CCPG1: variants seen among roughly 807,000 people sequenced by gnomAD.
The protein encoded by CCPG1 is cell cycle progression protein 1.
CCPG1 carries 46 observed loss-of-function variants against 81.3 expected under a neutral mutation model. That is an observed-to-expected ratio of 0.57 (90% CI 0.45 to 0.72). CCPG1 has a LOEUF of 0.72. Among genes scored for constraint, CCPG1 ranks in the 30% least tolerant of loss-of-function variants. The pLI is 0.00. For missense variants in CCPG1, 902 were observed against 937.6 expected (o/e 0.96, Z 0.50); for synonymous variants, 330 against 305.2 (o/e 1.08, Z -0.85).
intron 1 of CCPG1, among the ~76,000 whole-genome samples, chr15:55,392,210 A>ATT (rs35816626): frequency 9.7e-4 from 119 of 122,976 alleles, no homozygotes; most frequent in East Asian, 2.6e-3. Context: ...ATCAGATTTG[A>ATT]TTTTTTTTTT....
intron 1 of CCPG1, among the ~76,000 whole-genome samples, chr15:55,392,520 G>T (rs1017335560): frequency 2.0e-5 from 3 of 148,738 alleles, no homozygotes; most frequent in Non-Finnish European, 4.4e-5. Flanking sequence ...ACCTGGCCAT[G>T]ATTTTTTTTT....
intron 6 of CCPG1, among the ~76,000 whole-genome samples, chr15:55,368,193 C>A (rs964361683): frequency 1.3e-5 from 2 of 152,082 alleles, no homozygotes; most frequent in Non-Finnish European, 2.9e-5. Flanking sequence ...TGGAACCCAT[C>A]CCTCATGTAT....
chr15:55,380,100 TAAAAA>T (rs374941554), intron 3 of CCPG1, among the ~76,000 whole-genome samples: 1 of 130,804 alleles, frequency 7.6e-6, no homozygotes, highest in Admixed American at 7.9e-5. Flanking sequence ...AACTCTGTCT[TAAAAA>T]AAAAAAAAAA....
chr15:55,365,432 GT>G (rs372770816), intron 6 of CCPG1, 123 bp from the exon 7 acceptor site: 576 of 313,088 alleles, frequency 1.8e-3, no homozygotes, highest in East Asian at 2.2e-3. Flanking sequence ...TTTTTTTTTT[GT>G]TTTTTTTTTG....
intron 8 of CCPG1, chr15:55,358,828 AATCAGT>A: frequency 2.0e-6 from 2 of 977,482 alleles, no homozygotes; most frequent in Non-Finnish European, 2.4e-6. Flanking sequence ...AAGACACCAG[AATCAGT>A]CTCATTATTT....
chr15:55,388,013 T>C (rs959587669), intron 2 of CCPG1, among the ~76,000 whole-genome samples: 1 of 151,386 alleles, frequency 6.6e-6, no homozygotes, highest in Non-Finnish European at 1.5e-5. Context: ...TAGTCGGGCG[T>C]GGTGGCACAT....
At chr15:55,400,120 T>A (rs973955795) in intron 1 of CCPG1, among the ~76,000 whole-genome samples, 4 of 147,440 alleles carry the variant, frequency 2.7e-5, no homozygotes, top group Non-Finnish European at 5.9e-5. Flanking sequence ...GGCACAAGAA[T>A]TGCTGCTTGA....
chr15:55,393,634 T>C (rs942172952), intron 1 of CCPG1, among the ~76,000 whole-genome samples: 1 of 152,064 alleles, frequency 6.6e-6, no homozygotes, highest in Non-Finnish European at 1.5e-5. Flanking sequence ...TTTTATTATT[T>C]TTATCATTAT....
rs1037766078 is a variant in CCPG1, at chr15:55,387,910, G to A, written c.60+1455C>T. 1.7e-4 allele frequency among the ~76,000 whole-genome samples: 25 copies of A among 149,596 alleles called. No individual in the cohort carries two copies. In the South Asian group the frequency reaches 3.1e-3, roughly 18 times the overall value. ...CTCACGCCTGTAATCCCAGTACTTT[G>A]GGAGGCCGAGGCGGGCGGATCACCT... On this transcript the variant is annotated intron_variant, in intron 2 of 8. Transcript: ENST00000442196.
In CCPG1 at chr15:55,359,834, C is replaced by G; in HGVS notation, c.1939G>C (p.Val647Leu). 1 of 1,613,496 alleles carries G rather than the reference C, an allele frequency of 6.2e-7. No homozygotes were observed. The highest frequency in any genetic ancestry group is 8.5e-7 in the Non-Finnish European group (1 of 1,179,866). ...QQESMSLFNT[V>L]VNPIRMDEFR... ...TCATCCATCCTTATAGGATTCACCA[C>G]TGTGTTAAAAAGGCTCATGGACTCT... The change falls in exon 8 of 9, where the codon GTG becomes CTG. Residue 647 changes from valine (V) to leucine (L), a missense_variant. Physicochemically the swap from Val to Leu is conservative, Grantham distance 32 (BLOSUM62 1). Coordinates refer to ENST00000442196, the MANE Select transcript of CCPG1 (RefSeq NM_001204450.2).
chr15:55,363,608 T>C lies in CCPG1; in HGVS notation c.828+1580A>G, dbSNP rs536987086. On this transcript the variant is annotated intron_variant, in intron 7 of 8. Transcript: ENST00000442196. ...GCCAGTCTCCTCTGATGGCAGAAGC[T>C]AGGCAGGGTCTGGCCTGGTTAGTAC... Among the ~76,000 whole-genome samples, 4 of 150,548 alleles carry C rather than the reference T, an allele frequency of 2.7e-5. No homozygotes were observed. In the East Asian group the frequency reaches 8.1e-4, roughly 31 times the overall value.
At chr15:55,395,244 C>A (rs921114133) in intron 1 of CCPG1, among the ~76,000 whole-genome samples, 1 of 151,768 alleles carries the variant, frequency 6.6e-6, no homozygotes, top group Non-Finnish European at 1.5e-5. Flanking sequence ...TACTAAAGAA[C>A]CCTATTAATT....
chr15:55,364,626 G>A (rs1364999359), intron 7 of CCPG1, among the ~76,000 whole-genome samples: 2 of 150,820 alleles, frequency 1.3e-5, no homozygotes, highest in Admixed American at 6.6e-5. Context: ...TGTAATCCCA[G>A]CACTTTAGGA....
Position 55,360,480 on chromosome 15 carries a change from G to A in CCPG1, c.1293C>T (p.Leu431=), listed in dbSNP as rs375002471. The A allele has an allele frequency of 4.5e-5, 73 of 1,614,046 alleles. No individual in the cohort carries two copies. The African/African-American group carries it at 9.3e-4, about 21-fold the overall frequency. ...KKEIAILRER[L]TELERKLTFE... ...AGGTTAGCTTCCGTTCCAGCTCAGT[G>A]AGTCTTTCCCGTAAGATTGCTATTT... The change falls in exon 8 of 9, where the codon CTC becomes CTT. Residue 431 remains leucine, a synonymous_variant. Coordinates refer to ENST00000442196, the MANE Select transcript of CCPG1 (RefSeq NM_001204450.2).
At chr15:55,385,239 C>T (rs1566977459) in intron 3 of CCPG1, among the ~76,000 whole-genome samples, 2 of 152,200 alleles carry the variant, frequency 1.3e-5, no homozygotes, top group African/African-American at 2.4e-5. Context: ...AATCTCGGCT[C>T]ACTGCAAACT....
intron 8 of CCPG1, 143 bp from the exon 9 acceptor site, chr15:55,356,552 C>A: frequency 1.6e-6 from 2 of 1,238,608 alleles, no homozygotes; most frequent in South Asian, 2.4e-5. Flanking sequence ...CCTAGTATAT[C>A]CATATAAAAA....
At chr15:55,378,870 T>A (rs1269219682) in intron 3 of CCPG1, among the ~76,000 whole-genome samples, 2 of 152,138 alleles carry the variant, frequency 1.3e-5, no homozygotes, top group Non-Finnish European at 2.9e-5. Flanking sequence ...GTGCTGGGAT[T>A]ACAGGTATGA....
intron 1 of CCPG1, among the ~76,000 whole-genome samples, chr15:55,399,085 A>T (rs531658694): frequency 3.9e-4 from 60 of 152,224 alleles, no homozygotes; most frequent in African/African-American, 1.2e-3. Flanking sequence ...CCTCCCCCAA[A>T]GAAAAGTACT....
At chr15:55,357,262 T>C (rs1043767139) in intron 8 of CCPG1, 20 of 964,870 alleles carry the variant, frequency 2.1e-5, no homozygotes, top group Non-Finnish European at 2.0e-5. Flanking sequence ...CCCAGAAATC[T>C]AGAAGTCACT....
Sources: gnomAD v4.1 joint callset for allele counts (sites outside exome capture counted in the v4.1 genomes callset) on GRCh38, gnomAD v4.1.1 for gene constraint, MANE v1.5 for transcripts, NCBI Gene and HGNC (gene_info 2026-07-23, HGNC 2026-07-21) for gene names.